Variants in PLEKHM3 observed in about 807,000 individuals in gnomAD.
PLEKHM3 encodes pleckstrin homology domain containing M3.
Under a neutral mutation model 81.8 loss-of-function variants are expected in PLEKHM3, and 45 were observed. The observed-to-expected ratio is 0.55, with a 90% CI of 0.43 to 0.71. The LOEUF (loss-of-function observed/expected upper bound fraction) is 0.71, where lower values mean the gene tolerates loss of function less well. Ranked by LOEUF, PLEKHM3 falls within the 30% of genes least tolerant of loss-of-function variation. The probability of loss-of-function intolerance (pLI) is 0.00; values close to 1 mark genes in which losing one functional copy is unlikely to be tolerated. For missense variants in PLEKHM3, 788 were observed against 924.3 expected, an observed-to-expected ratio of 0.85 and a Z score of 1.91; for synonymous variants, 352 against 356.4, an observed-to-expected ratio of 0.99 and a Z score of 0.14.
chr2:207,865,871 G>A (rs1403474625), intron 6 of PLEKHM3, among the ~76,000 whole-genome samples: 1 of 126,756 alleles, frequency 7.9e-6, no homozygotes, highest in Non-Finnish European at 1.6e-5. Flanking sequence ...CTATTCTGGA[G>A]CTTTCATGTA....
chr2:207,959,914 G>A (rs1690673638), intron 3 of PLEKHM3, among the ~76,000 whole-genome samples: 1 of 152,124 alleles, frequency 6.6e-6, no homozygotes, highest in Non-Finnish European at 1.5e-5. Flanking sequence ...GACTGTCTTG[G>A]TGTATTTTCT....
chr2:207,923,901 ATATATTTT>A lies in PLEKHM3; in HGVS notation c.1886+7017_1886+7024del, dbSNP rs1186083859. ...CACACATATATATATATATATATAT[ATATATTTT>A]TTTTTTTTTTTTTTTCTGAGGCGGA... On this transcript the variant is annotated intron_variant, in intron 5 of 7. Transcript: ENST00000427836. Among the ~76,000 whole-genome samples the A allele has an allele frequency of 7.2e-3, 524 of 72,378 alleles. 9 individuals are homozygous for A. The highest frequency in any genetic ancestry group is 0.028 in the African/African-American group (502 of 18,248). The allele number at this position is 72,378 out of a possible 152,430, so 47.5% of individuals were successfully genotyped here.
chr2:208,021,182 A>G (rs1160153630), intron 1 of PLEKHM3, among the ~76,000 whole-genome samples: 1 of 152,256 alleles, frequency 6.6e-6, no homozygotes, highest in Non-Finnish European at 1.5e-5. Context: ...TTACTGGGCT[A>G]GAACCAGCTT....
chr2:207,863,907 CAA>C lies in PLEKHM3; in HGVS notation c.1951-2647_1951-2646del, dbSNP rs200964000. On this transcript the variant is annotated intron_variant, in intron 6 of 7. Coordinates refer to ENST00000427836, the MANE Select transcript of PLEKHM3 (RefSeq NM_001080475.3). ...TAGGGAGGGCAATAAGTCAGAAAAG[CAA>C]AAAAAATATATATATATATTAGAAA... 2.5e-3 allele frequency among the ~76,000 whole-genome samples: 317 copies of C among 129,324 alleles called. 1 individual carries two copies. Among genetic ancestry groups the C allele is most frequent in the African/African-American group, 7.8e-3 (295 of 37,836 alleles). The allele number at this position is 129,324 out of a possible 152,430, so 84.8% of individuals were successfully genotyped here. A position where few individuals can be genotyped will look rare whatever the true frequency, so the allele number is the denominator to read the frequency against.
At chr2:207,919,477 T>C (rs1344563275) in intron 5 of PLEKHM3, among the ~76,000 whole-genome samples, 2 of 152,170 alleles carry the variant, frequency 1.3e-5, no homozygotes, top group Non-Finnish European at 2.9e-5. Flanking sequence ...GACCAGTTAC[T>C]GGAATAATCC....
intron 3 of PLEKHM3, among the ~76,000 whole-genome samples, chr2:207,947,627 C>T (rs1690177871): frequency 6.6e-6 from 1 of 151,078 alleles, no homozygotes. Context: ...TGGTTGGGTG[C>T]CAAGAACTAT....
intron 6 of PLEKHM3, among the ~76,000 whole-genome samples, chr2:207,882,932 G>A (rs1221954609): frequency 6.6e-6 from 1 of 151,952 alleles, no homozygotes; most frequent in African/African-American, 2.4e-5. Flanking sequence ...TATTTTAGTA[G>A]AGACAGGGTT....
intron 6 of PLEKHM3, among the ~76,000 whole-genome samples, chr2:207,892,822 GCCGAGTTC>G (rs1688101804): frequency 6.6e-6 from 1 of 152,146 alleles, no homozygotes; most frequent in Non-Finnish European, 1.5e-5. Flanking sequence ...CCTCACAGTC[GCCGAGTTC>G]CAAATCCTTC....
intron 1 of PLEKHM3, among the ~76,000 whole-genome samples, chr2:208,006,196 T>C (rs1243405208): frequency 1.3e-5 from 2 of 152,242 alleles, no homozygotes; most frequent in Non-Finnish European, 2.9e-5. Flanking sequence ...CTGAGCTCTA[T>C]AGCCCTCAAA....
chr2:207,862,085 C>G (rs1286232667), intron 6 of PLEKHM3, among the ~76,000 whole-genome samples: 2 of 152,126 alleles, frequency 1.3e-5, no homozygotes, highest in Non-Finnish European at 2.9e-5. Flanking sequence ...TTGCATACAT[C>G]CCTGAGTTTG....
At chr2:207,985,367 C>A (rs1253539390) in intron 2 of PLEKHM3, among the ~76,000 whole-genome samples, 3 of 151,842 alleles carry the variant, frequency 2.0e-5, no homozygotes, top group South Asian at 4.2e-4. Context: ...TATGTCTATA[C>A]CCTTATGACG....
rs71036961 is a variant in PLEKHM3, at chr2:207,865,803, G to GATATATAT, written c.1951-4549_1951-4542dup. 1.1e-3 allele frequency among the ~76,000 whole-genome samples: 33 copies of GATATATAT among 29,408 alleles called. 2 individuals carry two copies. Among genetic ancestry groups the GATATATAT allele is most frequent in the South Asian group, 2.8e-3 (2 of 702 alleles). 19.3% of individuals were successfully genotyped at this position (29,408 alleles called of 152,430 possible). A position where few individuals can be genotyped will look rare whatever the true frequency, so the allele number is the denominator to read the frequency against. ...ACTCAAAAAAAAAAAAAAAAAAAAA[G>GATATATAT]ATATATATATATATATATATATATA... On this transcript the variant is annotated intron_variant, in intron 6 of 7. Transcript: ENST00000427836.
intron 6 of PLEKHM3, among the ~76,000 whole-genome samples, chr2:207,882,124 C>G (rs1004899296): frequency 6.6e-6 from 1 of 152,184 alleles, no homozygotes; most frequent in Non-Finnish European, 1.5e-5. Flanking sequence ...ACATAGGAAA[C>G]AGTGCCAAAT....
At chr2:207,968,895 A>G (rs571425268) in intron 3 of PLEKHM3, among the ~76,000 whole-genome samples, 1 of 152,348 alleles carries the variant, frequency 6.6e-6, no homozygotes, top group African/African-American at 2.4e-5. Flanking sequence ...CAAGTTGTTT[A>G]TATGTTTGGG....
At chr2:207,938,750 C>T (rs901509345) in intron 4 of PLEKHM3, among the ~76,000 whole-genome samples, 1 of 152,186 alleles carries the variant, frequency 6.6e-6, no homozygotes, top group African/African-American at 2.4e-5. Context: ...TCCTCATGTG[C>T]AACACGGATG....
chr2:207,880,827 A>AT (rs1383710564), intron 6 of PLEKHM3, among the ~76,000 whole-genome samples: 13 of 144,664 alleles, frequency 9.0e-5, no homozygotes, highest in Non-Finnish European at 3.0e-5. Flanking sequence ...AAAAAAACAA[A>AT]TAAAAAATAG....
At chr2:207,953,390 A>AT (rs35615285) in intron 3 of PLEKHM3, among the ~76,000 whole-genome samples, 1,714 of 151,594 alleles carry the variant, frequency 0.011, 34 homozygotes, top group African/African-American at 0.039. Flanking sequence ...GTTCATCAGA[A>AT]TTTTTTTTTT....
chr2:208,020,927 A>G (rs1693109474), intron 1 of PLEKHM3, among the ~76,000 whole-genome samples: 1 of 152,214 alleles, frequency 6.6e-6, no homozygotes, highest in Admixed American at 6.5e-5. Context: ...CTGGAAACTG[A>G]CTAGAGATAA....
chr2:207,924,970 G>A (rs1689338998), intron 5 of PLEKHM3, among the ~76,000 whole-genome samples: 1 of 152,092 alleles, frequency 6.6e-6, no homozygotes, highest in Non-Finnish European at 1.5e-5. Context: ...CAATGCCCAG[G>A]AGGCCAAAGA....
Sources: gnomAD v4.1 joint callset for allele counts (sites outside exome capture counted in the v4.1 genomes callset) on GRCh38, gnomAD v4.1.1 for gene constraint, MANE v1.5 for transcripts, NCBI Gene and HGNC (gene_info 2026-07-23, HGNC 2026-07-21) for gene names.